Variants in RABGAP1L observed in about 807,000 individuals in gnomAD.
RABGAP1L encodes the protein RAB GTPase activating protein 1 like, also known as rab GTPase-activating protein 1-like.
A neutral mutation model predicts 137.7 loss-of-function variants in RABGAP1L; 63 were observed. The observed-to-expected ratio is 0.46, with a 90% confidence interval of 0.37 to 0.56. RABGAP1L has a LOEUF of 0.56. Among genes scored for constraint, RABGAP1L ranks in the 20% least tolerant of loss-of-function variants. RABGAP1L has a pLI of 0.00. For synonymous variants in RABGAP1L, 431 were observed against 433.7 expected, an observed-to-expected ratio of 0.99 and a Z score of 0.08; for missense variants, 1,095 against 1,244.0, an observed-to-expected ratio of 0.88 and a Z score of 1.80.
At chr1:174,261,541 T>C (rs962829401) in intron 7 of RABGAP1L, among the ~76,000 whole-genome samples, 1 of 152,158 alleles carries the variant, frequency 6.6e-6, no homozygotes, top group Non-Finnish European at 1.5e-5. Flanking sequence ...GGAAAAGATA[T>C]CCTAGACAAG....
chr1:174,489,828 C>T (rs1660051005), intron 13 of RABGAP1L, among the ~76,000 whole-genome samples: 2 of 152,104 alleles, frequency 1.3e-5, no homozygotes, highest in Admixed American at 1.3e-4. Context: ...GACATATTTA[C>T]ACTATGGAGT....
chr1:174,821,011 C>T (rs890366213), intron 19 of RABGAP1L, among the ~76,000 whole-genome samples: 3 of 78,320 alleles, frequency 3.8e-5, no homozygotes, highest in African/African-American at 1.2e-4. Flanking sequence ...AGTGAGACTC[C>T]ATCTCAAAAA....
At position 174,684,985 on chromosome 1, in the gene RABGAP1L, AAATAAT is replaced by A. The variant is rs139661300; in HGVS notation, c.1899+1398_1899+1403del. On this transcript the variant is annotated intron_variant, in intron 15 of 25. Coordinates refer to ENST00000681986, the MANE Select transcript of RABGAP1L (RefSeq NM_001366446.1). ...AATAGAAGGAGACCCTGTCTCAAAA[AAATAAT>A]AATAATAAAAAGGAAAAGAAAATGT... Among the ~76,000 whole-genome samples, 4 of 151,880 alleles carry A rather than the reference AAATAAT, an allele frequency of 2.6e-5. No individual in the cohort carries two copies. The East Asian group carries it at 7.7e-4, about 29-fold the overall frequency.
At chr1:174,859,249 A>G (rs774981344) in intron 19 of RABGAP1L, among the ~76,000 whole-genome samples, 29 of 152,194 alleles carry the variant, frequency 1.9e-4, no homozygotes, top group Non-Finnish European at 4.0e-4. Flanking sequence ...TGGGAGGCCA[A>G]GACGGGTGGA....
chr1:174,737,847 G>T (rs79691411), intron 17 of RABGAP1L, among the ~76,000 whole-genome samples: 1 of 152,136 alleles, frequency 6.6e-6, no homozygotes, highest in Non-Finnish European at 1.5e-5. Context: ...CATGGAAAGA[G>T]CGGGACCAAG....
chr1:174,957,983 T>G, intron 20 of RABGAP1L: 2 of 1,566,940 alleles, frequency 1.3e-6, no homozygotes, highest in Non-Finnish European at 1.7e-6. Context: ...GAAAGTGGCT[T>G]TCTACTTTCA....
chr1:174,462,049 TC>T (rs1558254711), intron 13 of RABGAP1L, among the ~76,000 whole-genome samples: 1 of 152,184 alleles, frequency 6.6e-6, no homozygotes, highest in Non-Finnish European at 1.5e-5. Context: ...AAGCATTGTT[TC>T]TGTCCAGGCT....
intron 3 of RABGAP1L, among the ~76,000 whole-genome samples, chr1:174,223,264 T>TAAA (rs550034492): frequency 0.076 from 3,039 of 39,780 alleles, 658 homozygotes; most frequent in Non-Finnish European, 0.11. Context: ...AGACTCTGTC[T>TAAA]AAAAAAAAAA....
At chr1:174,888,090 T>G (rs1354584412) in intron 19 of RABGAP1L, among the ~76,000 whole-genome samples, 1 of 152,080 alleles carries the variant, frequency 6.6e-6, no homozygotes, top group Non-Finnish European at 1.5e-5. Flanking sequence ...ATTTATGATA[T>G]GGTAATAAGT....
intron 19 of RABGAP1L, among the ~76,000 whole-genome samples, chr1:174,876,135 T>C (rs1558178335): frequency 6.6e-6 from 1 of 152,220 alleles, no homozygotes; most frequent in Non-Finnish European, 1.5e-5. Context: ...AAAATACTTT[T>C]GGAAAACATG....
intron 1 of RABGAP1L, among the ~76,000 whole-genome samples, chr1:174,180,712 G>A (rs550315209): frequency 9.2e-5 from 14 of 152,098 alleles, no homozygotes; most frequent in South Asian, 6.2e-4. Context: ...AGTTATCCTC[G>A]TGCCTTGGCC....
At chr1:174,604,649 T>C (rs1319955439) in intron 13 of RABGAP1L, among the ~76,000 whole-genome samples, 1 of 152,170 alleles carries the variant, frequency 6.6e-6, no homozygotes, top group Non-Finnish European at 1.5e-5. Flanking sequence ...CCAGACACTT[T>C]TGTAAGTGAT....
intron 1 of RABGAP1L, among the ~76,000 whole-genome samples, chr1:174,198,028 G>A (rs545115965): frequency 5.9e-5 from 9 of 152,018 alleles, no homozygotes; most frequent in African/African-American, 7.2e-5. Flanking sequence ...TCTAAAATGC[G>A]CATATTTAAA....
At chr1:174,434,241 A>G (rs569574860) in intron 13 of RABGAP1L, among the ~76,000 whole-genome samples, 3 of 152,216 alleles carry the variant, frequency 2.0e-5, no homozygotes, top group African/African-American at 7.2e-5. Flanking sequence ...TGCAATGTGT[A>G]TTCTTCAATG....
chr1:174,217,327 G>C (rs1669414162), intron 1 of RABGAP1L, among the ~76,000 whole-genome samples: 1 of 152,160 alleles, frequency 6.6e-6, no homozygotes, highest in African/African-American at 2.4e-5. Flanking sequence ...TTCAGGGCAG[G>C]AATTTAGAGA....
intron 12 of RABGAP1L, among the ~76,000 whole-genome samples, chr1:174,375,107 C>T (rs988638954): frequency 2.0e-5 from 3 of 151,980 alleles, no homozygotes; most frequent in Admixed American, 1.3e-4. Flanking sequence ...TTTTGTCAGT[C>T]AAGTTTCTTT....
chr1:174,773,440 G>A lies in RABGAP1L; in HGVS notation c.2211+21086G>A, dbSNP rs77128727. ...CCATGCCTTTTTACGTTATACAGCA[G>A]GAGACCCTTAAATTATAGTGAAATC... On this transcript the variant is annotated intron_variant, in intron 18 of 25. Transcript: ENST00000681986. 9.9e-4 allele frequency among the ~76,000 whole-genome samples: 151 copies of A among 152,238 alleles called. 1 individual carries two copies. In the East Asian group the frequency reaches 0.026, roughly 26 times the overall value.
intron 14 of RABGAP1L, among the ~76,000 whole-genome samples, chr1:174,682,797 A>G (rs1309710582): frequency 1.3e-5 from 2 of 152,254 alleles, no homozygotes; most frequent in African/African-American, 4.8e-5. Context: ...TGTATTTCTT[A>G]CGAATTGGCC....
At chr1:174,300,859 C>T (rs974084943) in intron 10 of RABGAP1L, among the ~76,000 whole-genome samples, 1 of 152,124 alleles carries the variant, frequency 6.6e-6, no homozygotes, top group Non-Finnish European at 1.5e-5. Flanking sequence ...GAGTGAGACT[C>T]TATCTCAAAT....
Sources: allele counts gnomAD v4.1 joint callset (sites outside exome capture counted in the v4.1 genomes callset), GRCh38; gene constraint gnomAD v4.1.1; transcripts MANE v1.5; gene names NCBI Gene and HGNC (gene_info 2026-07-23, HGNC 2026-07-21).